Variants in PTPRD observed in about 807,000 individuals in gnomAD.
PTPRD encodes protein tyrosine phosphatase receptor type D, also known as receptor-type tyrosine-protein phosphatase delta.
A neutral mutation model predicts 214.5 loss-of-function variants in PTPRD; 34 were observed. The ratio of observed to expected loss-of-function variants is 0.16; its 90% confidence interval spans 0.12 to 0.21. PTPRD has a LOEUF of 0.21. Ranked by LOEUF, PTPRD falls within the 10% of genes least tolerant of loss-of-function variation. The pLI is 1.00. For synonymous variants in PTPRD, 1,128 were observed against 845.7 expected (o/e 1.33, Z -5.79); for missense variants, 2,545 against 2,398.7 (o/e 1.06, Z -1.27).
intron 2 of PTPRD, among the ~76,000 whole-genome samples, chr9:10,412,081 T>C (rs1023666341): frequency 5.3e-5 from 8 of 151,804 alleles, no homozygotes; most frequent in African/African-American, 7.2e-5. Context: ...ATTCTATTCA[T>C]GTAAACTCTG....
chr9:10,193,570 A>G (rs191665681), intron 3 of PTPRD, among the ~76,000 whole-genome samples: 2 of 152,262 alleles, frequency 1.3e-5, no homozygotes, highest in Admixed American at 1.3e-4. Context: ...GGATACAGGA[A>G]TGAGGGTTGT....
At chr9:8,421,056 T>A (rs1359566903) in intron 35 of PTPRD, among the ~76,000 whole-genome samples, 1 of 152,086 alleles carries the variant, frequency 6.6e-6, no homozygotes, top group East Asian at 1.9e-4. Context: ...AAGTTGCTGT[T>A]CCTCCGTCTC....
At chr9:8,948,467 ACATATATATATATTTATATATATATT>A (rs2099081440) in intron 11 of PTPRD, among the ~76,000 whole-genome samples, 1 of 5,744 alleles carries the variant, frequency 1.7e-4, no homozygotes, top group Non-Finnish European at 3.1e-4. Flanking sequence ...ATATATATTT[ACATATATATATATTTATATATATATT>A]TATATATATA....
At chr9:8,931,671 T>G (rs10977371) in intron 11 of PTPRD, among the ~76,000 whole-genome samples, 55,315 of 151,968 alleles carry the variant, frequency 0.36, 10,171 homozygotes, top group Middle Eastern at 0.41. Flanking sequence ...CGATGATGCA[T>G]GTCTCATGAA....
chr9:8,896,116 A>T (rs558549801), intron 11 of PTPRD, among the ~76,000 whole-genome samples: 41 of 152,338 alleles, frequency 2.7e-4, no homozygotes, highest in African/African-American at 9.9e-4. Flanking sequence ...AGGGAATACT[A>T]CTGTGAGCAG....
chr9:10,557,022 T>C lies in PTPRD; in HGVS notation c.-600+55376A>G, dbSNP rs1179135574. 2.0e-5 allele frequency among the ~76,000 whole-genome samples: 3 copies of C among 152,132 alleles called. No homozygotes were observed. In the East Asian group the frequency reaches 5.8e-4, roughly 29 times the overall value. ...GGACAACATTCCTGTATGGTTATAT[T>C]ACTTATGAAAAACAGGCTGAATTTA... On this transcript the variant is annotated intron_variant, in intron 2 of 45. Coordinates refer to ENST00000381196, the MANE Select transcript of PTPRD (RefSeq NM_002839.4).
At chr9:8,966,145 C>T (rs2099192904) in intron 11 of PTPRD, among the ~76,000 whole-genome samples, 1 of 151,950 alleles carries the variant, frequency 6.6e-6, no homozygotes, top group South Asian at 2.1e-4. Flanking sequence ...AATAACAGTC[C>T]ATGCATATGG....
chr9:10,568,291 C>G (rs560220524), intron 2 of PTPRD, among the ~76,000 whole-genome samples: 1 of 151,768 alleles, frequency 6.6e-6, no homozygotes, highest in African/African-American at 2.4e-5. Flanking sequence ...GCAAAGGACA[C>G]GAACTCATCA....
intron 5 of PTPRD, among the ~76,000 whole-genome samples, chr9:9,821,017 A>C (rs370397898): frequency 6.6e-6 from 1 of 152,082 alleles, no homozygotes; most frequent in African/African-American, 2.4e-5. Flanking sequence ...TCCATGAAAC[A>C]TGTTGGTAGT....
At chr9:8,597,550 T>A (rs1038066057) in intron 14 of PTPRD, among the ~76,000 whole-genome samples, 2 of 151,812 alleles carry the variant, frequency 1.3e-5, no homozygotes, top group African/African-American at 4.8e-5. Flanking sequence ...ACAGTGAAAA[T>A]AAAAGGAAGA....
chr9:8,786,355 G>T (rs1020584366), intron 11 of PTPRD, among the ~76,000 whole-genome samples: 1 of 139,548 alleles, frequency 7.2e-6, no homozygotes, highest in Non-Finnish European at 1.5e-5. Flanking sequence ...TAGGCACTAT[G>T]TTTTGAAATT....
chr9:10,570,493 C>T (rs967789511), intron 2 of PTPRD, among the ~76,000 whole-genome samples: 9 of 151,986 alleles, frequency 5.9e-5, no homozygotes, highest in South Asian at 2.1e-4. Flanking sequence ...ATAGTATGAG[C>T]GGAAGAATAG....
chr9:9,960,979 C>A (rs548365822), intron 4 of PTPRD, among the ~76,000 whole-genome samples: 2 of 151,984 alleles, frequency 1.3e-5, no homozygotes, highest in African/African-American at 2.4e-5. Flanking sequence ...AAACAAACAA[C>A]CCCATCAACA....
chr9:9,404,305 G>A (rs1034000211), intron 8 of PTPRD, among the ~76,000 whole-genome samples: 1 of 152,084 alleles, frequency 6.6e-6, no homozygotes, highest in African/African-American at 2.4e-5. Context: ...GCAAAAACTG[G>A]GAGATCAGTT....
At chr9:9,923,920 A>G (rs2083397677) in intron 5 of PTPRD, among the ~76,000 whole-genome samples, 1 of 152,044 alleles carries the variant, frequency 6.6e-6, no homozygotes, top group Admixed American at 6.6e-5. Context: ...GCAACCAGTG[A>G]GAGGGGAGCA....
intron 11 of PTPRD, among the ~76,000 whole-genome samples, chr9:8,797,869 ATT>A (rs35912143): frequency 0.044 from 6,522 of 147,038 alleles, 450 homozygotes; most frequent in African/African-American, 0.15. Flanking sequence ...ATTTAACAGA[ATT>A]TTTTTTTTTT....
chr9:8,572,759 A>G (rs2091491406), intron 14 of PTPRD, among the ~76,000 whole-genome samples: 1 of 151,994 alleles, frequency 6.6e-6, no homozygotes, highest in East Asian at 1.9e-4. Flanking sequence ...AACGTAGCAC[A>G]TTTCCACTAC....
chr9:9,459,784 G>T (rs2093455955), intron 8 of PTPRD, among the ~76,000 whole-genome samples: 2 of 151,982 alleles, frequency 1.3e-5, no homozygotes, highest in South Asian at 2.1e-4. Context: ...GCAATTTACA[G>T]ATTAAATATG....
chr9:9,539,412 G>A (rs936062622), intron 8 of PTPRD, among the ~76,000 whole-genome samples: 6 of 151,824 alleles, frequency 4.0e-5, no homozygotes, highest in African/African-American at 1.5e-4. Flanking sequence ...TTGTCTCTTG[G>A]ACAAGCAAGA....
Sources: gnomAD v4.1 joint callset for allele counts (sites outside exome capture counted in the v4.1 genomes callset) on GRCh38, gnomAD v4.1.1 for gene constraint, MANE v1.5 for transcripts, NCBI Gene and HGNC (gene_info 2026-07-23, HGNC 2026-07-21) for gene names.